The following VSIG1 variants were observed in gnomAD, a reference collection of about 807,000 sequenced individuals.
VSIG1 encodes V-set and immunoglobulin domain-containing protein 1.
Under a neutral mutation model 20.1 loss-of-function variants are expected in VSIG1, and 11 were observed. The ratio of observed to expected loss-of-function variants is 0.55; its 90% CI spans 0.34 to 0.91. The LOEUF is 0.91. Among genes scored for constraint, VSIG1 ranks in the 40% least tolerant of loss-of-function variants. VSIG1 has a pLI of 0.02. For synonymous variants in VSIG1, 126 were observed against 116.7 expected, an observed-to-expected ratio of 1.08 and a Z score of -0.52; for missense variants, 283 against 298.8, an observed-to-expected ratio of 0.95 and a Z score of 0.39.
chrX:108,038,782 G>A, the VSIG1 span, among the ~76,000 whole-genome samples: 2 of 112,134 alleles, frequency 1.8e-5, no homozygotes, highest in Non-Finnish European at 3.8e-5. Flanking sequence ...GCTAAGAGAT[G>A]AGGTTAGAGA....
At chrX:108,047,987 T>TATAC in intron 1 of VSIG1, among the ~76,000 whole-genome samples, 1 of 72,593 alleles carries the variant, frequency 1.4e-5, no homozygotes, top group Non-Finnish European at 2.5e-5. Flanking sequence ...TATATATATA[T>TATAC]ATATATATAT....
At chrX:108,046,041 T>C (rs186768066) in intron 1 of VSIG1, among the ~76,000 whole-genome samples, 2 of 111,438 alleles carry the variant, frequency 1.8e-5, no homozygotes, top group Non-Finnish European at 3.8e-5. Flanking sequence ...CTAGAATAAA[T>C]TACTAGAAGG....
In VSIG1 at chrX:108,067,113, A is replaced by G. The variant is rs745600113; in HGVS notation, c.391A>G (p.Ile131Val). ...PPDFLGQNQG[I>V]LNVSVLVKPS... is the part of the protein sequence containing the mutation. ...AGACTTTCTCGGCCAAAACCAAGGCATCCTCAACGTCAGTGTGTTAGGTAT... is the reference window on the plus strand; with the variant it reads ...AGACTTTCTCGGCCAAAACCAAGGCGTCCTCAACGTCAGTGTGTTAGGTAT... The change falls in exon 3 of 7, where the codon ATC (isoleucine) becomes GTC (valine). Residue 131 changes from isoleucine to valine, a missense_variant. Ile to Val is a conservative substitution (Grantham distance 29, BLOSUM62 3). Transcript: ENST00000217957. The G allele has an allele frequency of 1.7e-6, 2 of 1,211,650 alleles. No individual in the cohort carries two copies. Among genetic ancestry groups the G allele is most frequent in the Admixed American group, 4.3e-5 (2 of 46,034 alleles).
In VSIG1 at chrX:108,072,822, A is replaced by G; in HGVS notation, c.558A>G (p.Lys186=). 1 of 1,210,989 alleles carries G rather than the reference A, an allele frequency of 8.3e-7. No homozygotes were observed. Among genetic ancestry groups the G allele is most frequent in the East Asian group, 3.0e-5 (1 of 33,831 alleles). ...KLEGRDIVPV[K]ENFNPTTGIL... ...AGGGAAGAGACATCGTGCCAGTGAA[A>G]GAAAACTTCAGTAAGTGTAACCTGC... The change falls in exon 4 of 7, where the codon AAA becomes AAG. Residue 186 remains lysine (K), a synonymous_variant. Transcript: ENST00000217957.
At chrX:108,072,239 C>A (rs890027077) in intron 3 of VSIG1, among the ~76,000 whole-genome samples, 3 of 110,010 alleles carry the variant, frequency 2.7e-5, no homozygotes, top group Non-Finnish European at 5.7e-5. Context: ...AAACTGCCAA[C>A]ATACATTTTA....
the VSIG1 span, among the ~76,000 whole-genome samples, chrX:108,039,681 T>C: frequency 9.1e-6 from 1 of 110,174 alleles, no homozygotes; most frequent in Non-Finnish European, 1.9e-5. Flanking sequence ...ATGATCCGGG[T>C]AATGGGCACT....
At position 108,047,875 on chromosome X, in the gene VSIG1, T is replaced by TATATATATACACACATATATATATACAC. The variant is rs1569287166; in HGVS notation, c.49+2705_49+2706insCACACATATATATATACACATATATATA. Among the ~76,000 whole-genome samples the TATATATATACACACATATATATATACAC allele has an allele frequency of 3.6e-3, 103 of 28,736 alleles. 5 individuals are homozygous for TATATATATACACACATATATATATACAC. The highest frequency in any genetic ancestry group is 4.4e-3 in the Non-Finnish European group (83 of 18,813). The allele number at this position is 28,736 out of a possible 115,157, so 25.0% of individuals were successfully genotyped here. ...ATATATACACATATATATATACACA[T>TATATATATACACACATATATATATACAC]ATATATATATACACACATATATATA... On this transcript the variant is annotated intron_variant, in intron 1 of 6. Coordinates refer to ENST00000217957, the MANE Select transcript of VSIG1 (RefSeq NM_182607.5).
At chrX:108,046,159 T>A (rs1359210138) in intron 1 of VSIG1, among the ~76,000 whole-genome samples, 1 of 111,926 alleles carries the variant, frequency 8.9e-6, no homozygotes, top group African/African-American at 3.2e-5. Flanking sequence ...ACGAAGAACA[T>A]TATGCTATTT....
chrX:108,038,602 A>G, the VSIG1 span, among the ~76,000 whole-genome samples: 2 of 112,706 alleles, frequency 1.8e-5, no homozygotes, highest in Admixed American at 1.9e-4. Context: ...AAGACTTGGA[A>G]CCAACCCAAA....
intron 1 of VSIG1, among the ~76,000 whole-genome samples, chrX:108,051,195 C>T (rs2030777979): frequency 9.0e-6 from 1 of 111,014 alleles, no homozygotes; most frequent in Admixed American, 9.5e-5. Context: ...AGAACAGACA[C>T]GAGGCATAAA....
the VSIG1 span, among the ~76,000 whole-genome samples, chrX:108,030,247 T>C: frequency 8.9e-6 from 1 of 112,019 alleles, no homozygotes; most frequent in African/African-American, 3.2e-5. Context: ...TTCTCTGCTC[T>C]TGGAGACCTG....
chrX:108,069,501 G>A (rs974976642), intron 3 of VSIG1, among the ~76,000 whole-genome samples: 1 of 111,828 alleles, frequency 8.9e-6, no homozygotes, highest in Non-Finnish European at 1.9e-5. Context: ...TGACAATTTT[G>A]CTTGCCCTGA....
the VSIG1 span, among the ~76,000 whole-genome samples, chrX:108,034,886 A>G: frequency 9.0e-6 from 1 of 111,685 alleles, no homozygotes; most frequent in African/African-American, 3.3e-5. Context: ...TCTCGTTAAA[A>G]CCAAAGACAG....
At chrX:108,071,708 T>C (rs1454667011) in intron 3 of VSIG1, among the ~76,000 whole-genome samples, 1 of 110,271 alleles carries the variant, frequency 9.1e-6, no homozygotes, top group Non-Finnish European at 1.9e-5. Flanking sequence ...AAGTTACTTT[T>C]GAATTCCTGG....
At chrX:108,074,629 T>C (rs2031317421) in intron 5 of VSIG1, among the ~76,000 whole-genome samples, 1 of 112,036 alleles carries the variant, frequency 8.9e-6, no homozygotes, top group African/African-American at 3.2e-5. Context: ...ACATGCTAAA[T>C]CCTATAATAG....
chrX:108,037,522 G>A, the VSIG1 span, among the ~76,000 whole-genome samples: 9 of 111,825 alleles, frequency 8.0e-5, no homozygotes, highest in African/African-American at 2.6e-4. Context: ...CAACATTAGT[G>A]CACTTGATTA....
intron 1 of VSIG1, among the ~76,000 whole-genome samples, chrX:108,046,554 G>GT (rs1245259974): frequency 3.6e-3 from 362 of 100,212 alleles, no homozygotes; most frequent in African/African-American, 5.9e-3. Flanking sequence ...GTTAAGAACA[G>GT]TTTTTTTTTT....
chrX:108,024,603 G>C, the VSIG1 span, among the ~76,000 whole-genome samples: 8 of 109,367 alleles, frequency 7.3e-5, no homozygotes, highest in Non-Finnish European at 1.5e-4. Flanking sequence ...ATTTCCCTCT[G>C]AGTACTGTTT....
chrX:108,069,408 G>A (rs2031195622), intron 3 of VSIG1, among the ~76,000 whole-genome samples: 1 of 111,654 alleles, frequency 9.0e-6, no homozygotes, highest in Non-Finnish European at 1.9e-5. Context: ...CCAAATGTAG[G>A]CTTTTTGGAA....
Sources: allele counts gnomAD v4.1 joint callset (sites outside exome capture counted in the v4.1 genomes callset), GRCh38; gene constraint gnomAD v4.1.1; transcripts MANE v1.5; gene names NCBI Gene and HGNC (gene_info 2026-07-23, HGNC 2026-07-21).